The following NPC1 variants were observed in gnomAD, a reference collection of about 807,000 sequenced individuals.
NPC1 encodes the protein Niemann-Pick C1 protein.
NPC1 carries 85 observed loss-of-function variants against 140.4 expected under a neutral mutation model. The observed-to-expected ratio is 0.61, with a 90% CI of 0.51 to 0.72. NPC1 has a LOEUF of 0.72. Among genes scored for constraint, NPC1 ranks in the 30% least tolerant of loss-of-function variants. The probability of loss-of-function intolerance (pLI) is 0.00; values close to 1 mark genes in which losing one functional copy is unlikely to be tolerated. For missense variants in NPC1, 1,504 were observed against 1,623.8 expected (o/e 0.93, Z 1.27); for synonymous variants, 656 against 624.8 (o/e 1.05, Z -0.74).
chr18:23,562,866 G>A (rs927236293), intron 4 of NPC1, among the ~76,000 whole-genome samples: 8 of 151,978 alleles, frequency 5.3e-5, no homozygotes, highest in African/African-American at 1.9e-4. Context: ...GTGTGGTGGC[G>A]CTATATAATT....
downstream of NPC1, chr18:23,529,480 T>A: frequency 8.0e-7 from 1 of 1,245,422 alleles, no homozygotes. Context: ...GCATAATTGT[T>A]GACGGGTGGT....
chr18:23,528,959 A>G (rs2058394055), downstream of NPC1: 4 of 565,122 alleles, frequency 7.1e-6, no homozygotes, highest in Non-Finnish European at 1.2e-5. Context: ...GGCTCACCGC[A>G]ACCTCTGCCT....
downstream of NPC1, chr18:23,530,005 T>C: frequency 6.3e-7 from 1 of 1,590,626 alleles, no homozygotes; most frequent in Non-Finnish European, 8.6e-7. Context: ...AAGTGTTCTT[T>C]CACTTTTTAC....
In NPC1 at chr18:23,531,996, C is replaced by T. The variant is rs1023873095; in HGVS notation, c.*206G>A. ...AAGAGGCTGGGAGAAGTTTAGTGTC[C>T]TGTGGTTGCCTCCAGATCTAGTAAT... On this transcript the variant is annotated 3_prime_UTR_variant, in exon 25 of 25. Transcript: ENST00000269228. The T allele has an allele frequency of 6.8e-7, 1 of 1,475,990 alleles. No homozygotes were observed. Among genetic ancestry groups the T allele is most frequent in the Non-Finnish European group, 8.9e-7 (1 of 1,118,800 alleles). 91.4% of individuals were successfully genotyped at this position (1,475,990 alleles called of 1,614,324 possible). A position where few individuals can be genotyped will look rare whatever the true frequency, so the allele number is the denominator to read the frequency against.
rs77068155 is a variant in NPC1, at chr18:23,567,408, T to G, written c.463+1415A>C. ...ACATAATGTTGAGCATCTCTTCTCA[T>G]GTACTTATTTACCACTGTATGCCTT... On this transcript the variant is annotated intron_variant, in intron 4 of 24. Transcript: ENST00000269228. Among the ~76,000 whole-genome samples the G allele has an allele frequency of 3.2e-4, 49 of 152,368 alleles. No homozygotes were observed. In the East Asian group the frequency reaches 8.5e-3, roughly 26 times the overall value.
At chr18:23,580,780 A>T (rs1164253717) in intron 1 of NPC1, among the ~76,000 whole-genome samples, 1 of 152,200 alleles carries the variant, frequency 6.6e-6, no homozygotes, top group Non-Finnish European at 1.5e-5. Flanking sequence ...AGGGAGTGGC[A>T]TGAAGAATCC....
chr18:23,557,983 GAC>G (rs2058979547), intron 6 of NPC1, among the ~76,000 whole-genome samples: 2 of 152,156 alleles, frequency 1.3e-5, no homozygotes, highest in South Asian at 4.1e-4. Flanking sequence ...CAAGATAAAT[GAC>G]AGTGTTGGAT....
downstream of NPC1, among the ~76,000 whole-genome samples, chr18:23,525,644 C>T (rs948260516): frequency 3.9e-5 from 6 of 151,902 alleles, no homozygotes; most frequent in African/African-American, 4.8e-5. Context: ...AGGATGGTCT[C>T]GATCTCCTGA....
At chr18:23,532,998 G>A (rs1031259844) in intron 24 of NPC1, 5 of 957,986 alleles carry the variant, frequency 5.2e-6, no homozygotes, top group Non-Finnish European at 6.2e-6. Context: ...CTGTTCTGCA[G>A]CACTGCTGGT....
At chr18:23,576,416 G>A (rs1302062228) in intron 1 of NPC1, 20 of 932,420 alleles carry the variant, frequency 2.1e-5, no homozygotes, top group African/African-American at 3.6e-5. Flanking sequence ...AGTGAAAACT[G>A]GTCTCAAAAA....
At position 23,512,545 on chromosome 18, in the gene NPC1, T is replaced by C. The variant is rs1014809786; in HGVS notation, c.432-5903A>G. Reference sequence around the variant, plus strand: ...ACGTAGTCCTCCCACCTCAGCTTCCTGAGTAGCTGGAACTACAGGTGTGTG... The same window carrying C: ...ACGTAGTCCTCCCACCTCAGCTTCCCGAGTAGCTGGAACTACAGGTGTGTG... On this transcript the variant is annotated intron_variant, in intron 3 of 3. Coordinates refer to the NPC1 transcript ENST00000591107. Among the ~76,000 whole-genome samples, 7 of 151,968 alleles carry C rather than the reference T, an allele frequency of 4.6e-5. No homozygotes were observed. In the South Asian group the frequency reaches 1.5e-3, roughly 32 times the overall value.
In NPC1 at chr18:23,560,467, A is replaced by G; in HGVS notation, c.645T>C (p.His215=). 2 of 1,614,144 alleles carry G rather than the reference A, an allele frequency of 1.2e-6. No homozygotes were observed. The highest frequency in any genetic ancestry group is 1.7e-5 in the Admixed American group (1 of 60,020). ...TGGCATTGTTCATGGGCTCCATCCC[A>G]TGGACTGGAAAATCTACAGAAAGGA... ...ITPVFSDFPV[H]GMEPMNNATK... is the part of the protein sequence containing the mutation. The change falls in exon 6 of 25, where the codon CAT becomes CAC. Residue 215 remains histidine (H), a synonymous_variant. Transcript: ENST00000269228.
At chr18:23,526,705 A>C, downstream of NPC1, 2 of 1,614,068 alleles carry the variant, frequency 1.2e-6, no homozygotes, top group Non-Finnish European at 1.7e-6. Flanking sequence ...AGGAAGACTC[A>C]TGGACTTTCT....
At chr18:23,526,919 G>C (rs1413061363), downstream of NPC1, among the ~76,000 whole-genome samples, 1 of 152,158 alleles carries the variant, frequency 6.6e-6, no homozygotes, top group East Asian at 1.9e-4. Context: ...CCCTAGGAAA[G>C]GCTGCTAAAT....
intron 1 of NPC1, among the ~76,000 whole-genome samples, chr18:23,579,883 T>TAAA (rs56198549): frequency 1.4e-5 from 2 of 143,988 alleles, no homozygotes; most frequent in African/African-American, 2.6e-5. Context: ...AGACTCCATC[T>TAAA]AAAAAAAAAA....
At chr18:23,542,993 T>C (rs1175393932) in intron 14 of NPC1, among the ~76,000 whole-genome samples, 1 of 152,080 alleles carries the variant, frequency 6.6e-6, no homozygotes, top group Admixed American at 6.6e-5. Flanking sequence ...TTTTCTGTGG[T>C]CCAGTGATAC....
In NPC1 at chr18:23,545,020, G is replaced by A; in HGVS notation, c.1887C>T (p.Ala629=). ...CTAGGGAAATATATAGAAACATGAT[G>A]GCATAGCTAATTACAACGGTGAAGA... ...SDVFTVVISY[A]IMFLYISLAL... The change falls in exon 12 of 25, where the codon GCC becomes GCT. Residue 629 remains alanine (A), a synonymous_variant. Coordinates refer to ENST00000269228, the MANE Select transcript of NPC1 (RefSeq NM_000271.5). 1.4e-5 allele frequency: 22 copies of A among 1,578,618 alleles called. No individual in the cohort carries two copies. The highest frequency in any genetic ancestry group is 1.8e-5 in the Non-Finnish European group (21 of 1,161,734).
rs1426342699 is a variant in NPC1 at position 23,534,458 on chromosome 18, G to A, written c.3579C>T (p.His1193=). The change falls in exon 23 of 25, where the codon CAC becomes CAT. Residue 1193 remains histidine, a synonymous_variant. Coordinates refer to ENST00000269228, the MANE Select transcript of NPC1 (RefSeq NM_000271.5). ...TCAGGGTACTCACGGAGCTGCCCAT[G>A]TGGGCAAGTGCCTCTTCCGCGCGCT... The part of the protein sequence containing the change: ...RVERAEEALA[H]MGSSVFSGIT... 6.2e-7 allele frequency: 1 copy of A among 1,612,046 alleles called. No individual in the cohort carries two copies. Among genetic ancestry groups the A allele is most frequent in the East Asian group, 2.2e-5 (1 of 44,876 alleles).
chr18:23,565,922 G>C (rs1388543357), intron 4 of NPC1, among the ~76,000 whole-genome samples: 1 of 152,006 alleles, frequency 6.6e-6, no homozygotes, highest in Non-Finnish European at 1.5e-5. Flanking sequence ...ATGATTTATA[G>C]GTCTTTGTAT....
Sources: allele counts gnomAD v4.1 joint callset (sites outside exome capture counted in the v4.1 genomes callset), GRCh38; gene constraint gnomAD v4.1.1; transcripts MANE v1.5; gene names NCBI Gene and HGNC (gene_info 2026-07-23, HGNC 2026-07-21).